Variants in SCIN observed in about 807,000 individuals in gnomAD.
SCIN encodes adseverin.
Under a neutral mutation model 91.8 loss-of-function variants are expected in SCIN, and 91 were observed. That is an observed-to-expected ratio of 0.99 (90% CI 0.84 to 1.18). The LOEUF (loss-of-function observed/expected upper bound fraction) is 1.18, where lower values mean the gene tolerates loss of function less well. Ranked by LOEUF, SCIN falls within the 50% of genes most tolerant of loss-of-function variation. The pLI is 0.00. For synonymous variants in SCIN, 367 were observed against 312.6 expected (o/e 1.17, Z -1.84); for missense variants, 1,087 against 863.9 (o/e 1.26, Z -3.24).
At chr7:12,573,645 T>C (rs1399395927) in intron 1 of SCIN, among the ~76,000 whole-genome samples, 2 of 152,186 alleles carry the variant, frequency 1.3e-5, no homozygotes, top group African/African-American at 4.8e-5. Flanking sequence ...ATGCATCCAT[T>C]CACCTCTGTT....
At position 12,581,167 on chromosome 7, in the gene SCIN, C is replaced by G. The variant is rs1302641465; in HGVS notation, c.462C>G (p.Pro154=). The change falls in exon 3 of 16, where the codon CCC becomes CCG. Residue 154 remains proline (P), a synonymous_variant. Transcript: ENST00000297029. The part of the protein sequence containing the change: ...GRRVVRATEV[P]LSWDSFNKGD... Reference sequence around the variant, plus strand: ...GAGTGGTGAGAGCCACAGAAGTTCCCCTTAGCTGGGACAGTTTCAACAAGG... The same window carrying G: ...GAGTGGTGAGAGCCACAGAAGTTCCGCTTAGCTGGGACAGTTTCAACAAGG... 3 of 1,551,368 alleles carry G rather than the reference C, an allele frequency of 1.9e-6. No homozygotes were observed. Among genetic ancestry groups the G allele is most frequent in the Non-Finnish European group, 2.6e-6 (3 of 1,146,836 alleles).
At chr7:12,577,524 T>C (rs1782396900) in intron 1 of SCIN, 2 of 456,170 alleles carry the variant, frequency 4.4e-6, no homozygotes, top group Non-Finnish European at 8.8e-6. Flanking sequence ...ACAGTGTTTC[T>C]TTTTAAAATT....
At chr7:12,575,165 G>A (rs891641322) in intron 1 of SCIN, among the ~76,000 whole-genome samples, 1 of 151,136 alleles carries the variant, frequency 6.6e-6, no homozygotes, top group African/African-American at 2.4e-5. Context: ...AAATGTGACT[G>A]ATTTTTTGTA....
chr7:12,583,626 G>A (rs1012350536), intron 3 of SCIN, among the ~76,000 whole-genome samples: 1 of 152,126 alleles, frequency 6.6e-6, no homozygotes, highest in African/African-American at 2.4e-5. Flanking sequence ...TCCACTGAAA[G>A]CAGTAGTATT....
intron 9 of SCIN, among the ~76,000 whole-genome samples, chr7:12,635,554 G>T (rs1327561378): frequency 1.5e-5 from 2 of 129,968 alleles, no homozygotes; most frequent in African/African-American, 2.9e-5. Context: ...GGAGGTTGCA[G>T]TGAGCCAAGA....
rs1784175703 is a variant in SCIN at position 12,657,086 on chromosome 7, G to A, written c.*4371G>A. 1 of 151,784 alleles carries A rather than the reference G, an allele frequency of 6.6e-6. No homozygotes were observed. Among genetic ancestry groups the A allele is most frequent in the African/African-American group, 2.4e-5 (1 of 41,318 alleles). 9.4% of individuals were successfully genotyped at this position (151,784 alleles called of 1,614,324 possible). ...TTGGGAAGTATAAATTGATACAATG[G>A]GTTTGAACAGTTTTTGTATTTTCTA... is the stretch of plus-strand genomic sequence containing the variant. On this transcript the variant is annotated 3_prime_UTR_variant, in exon 16 of 16. Coordinates refer to ENST00000297029, the MANE Select transcript of SCIN (RefSeq NM_001112706.3).
intron 6 of SCIN, among the ~76,000 whole-genome samples, 182 bp downstream of exon 6, chr7:12,625,324 G>A (rs1197136703): frequency 1.3e-5 from 2 of 150,498 alleles, no homozygotes; most frequent in Non-Finnish European, 2.9e-5. Flanking sequence ...CAGGGATTAT[G>A]GAGTTAAAAA....
intron 4 of SCIN, among the ~76,000 whole-genome samples, chr7:12,605,264 T>G (rs1049469915): frequency 1.3e-5 from 2 of 152,090 alleles, no homozygotes; most frequent in Non-Finnish European, 2.9e-5. Flanking sequence ...TGTTAGCCAG[T>G]GGTCCTGATC....
chr7:12,570,979 T>C lies in SCIN; in HGVS notation c.193T>C (p.Trp65Arg), dbSNP rs1782255952. The stretch of plus-strand genomic sequence containing the variant: ...AGGCTTCACCTACCACCTGCACTTC[T>C]GGCTCGGTAAGGGACGGCGGGCGGC... Reference protein sequence around the residue: ...SRGFTYHLHFWLGKECSQDES... With the variant: ...SRGFTYHLHFRLGKECSQDES... Residue 65 changes from tryptophan to arginine, a missense_variant, in exon 1 of 16, where the codon TGG (tryptophan) becomes CGG (arginine). Coordinates refer to ENST00000297029, the MANE Select transcript of SCIN (RefSeq NM_001112706.3). 3 of 1,549,912 alleles carry C rather than the reference T, an allele frequency of 1.9e-6. No individual in the cohort carries two copies. Among genetic ancestry groups the C allele is most frequent in the African/African-American group, 1.4e-5 (1 of 73,140 alleles).
chr7:12,617,558 C>T (rs890292931), intron 4 of SCIN, among the ~76,000 whole-genome samples: 1 of 152,130 alleles, frequency 6.6e-6, no homozygotes, highest in South Asian at 2.1e-4. Flanking sequence ...AATCTTAATA[C>T]CTGAGATTTG....
chr7:12,620,349 C>T (rs1353895280), intron 4 of SCIN, among the ~76,000 whole-genome samples: 3 of 152,116 alleles, frequency 2.0e-5, no homozygotes, highest in Non-Finnish European at 4.4e-5. Flanking sequence ...AACATTTCTC[C>T]ATTTCCTCTA....
chr7:12,638,212 G>T (rs955475333), intron 10 of SCIN, among the ~76,000 whole-genome samples: 10 of 152,294 alleles, frequency 6.6e-5, no homozygotes, highest in African/African-American at 2.4e-4. Flanking sequence ...GTGTCCGTCT[G>T]CTTTCTCGTT....
chr7:12,640,383 C>T lies in SCIN; in HGVS notation c.1447C>T (p.Leu483=), dbSNP rs1783833215. ...VSQGKEPVHL[L]SLFKDKPLII... ...CCAAGGCAAAGAGCCTGTTCACCTA[C>T]TGAGTTTGTTCAAAGACAAACCGCT... Residue 483 remains leucine (L), a synonymous_variant, in exon 11 of 16, where the codon CTG becomes TTG. Coordinates refer to ENST00000297029, the MANE Select transcript of SCIN (RefSeq NM_001112706.3). 2 of 1,611,486 alleles carry T rather than the reference C, an allele frequency of 1.2e-6. No individual in the cohort carries two copies. Among genetic ancestry groups the T allele is most frequent in the African/African-American group, 2.7e-5 (2 of 74,734 alleles).
chr7:12,598,218 A>G (rs1336857719), intron 3 of SCIN, among the ~76,000 whole-genome samples: 2 of 152,224 alleles, frequency 1.3e-5, no homozygotes, highest in Non-Finnish European at 2.9e-5. Context: ...ACATTTATTC[A>G]GACTTTTTTT....
Position 12,640,374 on chromosome 7 carries a change from G to C in SCIN, c.1438G>C (p.Val480Leu). ...QIRVSQGKEP[V>L]HLLSLFKDKP... ...CCGAGTCTCCCAAGGCAAAGAGCCT[G>C]TTCACCTACTGAGTTTGTTCAAAGA... The change falls in exon 11 of 16, where the codon GTT (valine) becomes CTT (leucine). Residue 480 changes from valine (V) to leucine (L), a missense_variant. Coordinates refer to ENST00000297029, the MANE Select transcript of SCIN (RefSeq NM_001112706.3). 2 of 1,607,308 alleles carry C rather than the reference G, an allele frequency of 1.2e-6. No individual in the cohort carries two copies. The highest frequency in any genetic ancestry group is 1.7e-6 in the Non-Finnish European group (2 of 1,177,076).
intron 15 of SCIN, among the ~76,000 whole-genome samples, chr7:12,652,167 T>G (rs372773597): frequency 2.6e-5 from 4 of 152,348 alleles, no homozygotes; most frequent in African/African-American, 9.6e-5. Context: ...TCAACCCTTG[T>G]TTTATTATAA....
At position 12,651,248 on chromosome 7, in the gene SCIN, A is replaced by G. The variant is rs921996534; in HGVS notation, c.1960-593A>G. ...TTATGGATAAAACCTCACATAAAGT[A>G]TAGATGGTAAATGTTTCTTTCAGAC... On this transcript the variant is annotated intron_variant, in intron 14 of 15. Transcript: ENST00000297029. This position sits in a 1 kb window ranked among gnomAD's most constrained non-coding sequence, Gnocchi z 5.9. Among the ~76,000 whole-genome samples, 1 of 152,176 alleles carries G rather than the reference A, an allele frequency of 6.6e-6. No individual in the cohort carries two copies. The highest frequency in any genetic ancestry group is 1.5e-5 in the Non-Finnish European group (1 of 68,032).
Position 12,659,363 on chromosome 7 carries a change from A to ATTTG in SCIN, c.*6649_*6652dup, listed in dbSNP as rs1161890539. 6.6e-6 allele frequency: 1 copy of ATTTG among 152,250 alleles called. No homozygotes were observed. Among genetic ancestry groups the ATTTG allele is most frequent in the African/African-American group, 2.4e-5 (1 of 41,470 alleles). The allele number at this position is 152,250 out of a possible 1,614,324, so 9.4% of individuals were successfully genotyped here. A position where few individuals can be genotyped will look rare whatever the true frequency, so the allele number is the denominator to read the frequency against. On this transcript the variant is annotated 3_prime_UTR_variant, in exon 16 of 16. Transcript: ENST00000297029. ...GACAGGTAAATACAGACTTGGCTGT[A>ATTTG]TTTGAACAGCACCTTCAAAAACCAG...
At chr7:12,583,573 A>C (rs1035233037) in intron 3 of SCIN, among the ~76,000 whole-genome samples, 1 of 152,190 alleles carries the variant, frequency 6.6e-6, no homozygotes, top group Non-Finnish European at 1.5e-5. Context: ...ACAGTTTCAG[A>C]ATCTGCTGAA....
Sources: allele counts gnomAD v4.1 joint callset (sites outside exome capture counted in the v4.1 genomes callset), GRCh38; gene constraint gnomAD v4.1.1; non-coding constraint Gnocchi (gnomAD v3.1); transcripts MANE v1.5; gene names NCBI Gene and HGNC (gene_info 2026-07-23, HGNC 2026-07-21).